LPP: variants seen among roughly 807,000 people sequenced by gnomAD.
LPP encodes the protein LIM domain containing preferred translocation partner in lipoma, also known as lipoma-preferred partner.
A neutral mutation model predicts 60.4 loss-of-function variants in LPP; 38 were observed. The observed-to-expected ratio is 0.63, with a 90% CI of 0.49 to 0.83. LPP has a LOEUF of 0.83. Among genes scored for constraint, LPP ranks in the 40% least tolerant of loss-of-function variants. The pLI is 0.00. For synonymous variants in LPP, 328 were observed against 290.8 expected (o/e 1.13, Z -1.30); for missense variants, 902 against 783.6 (o/e 1.15, Z -1.80).
intron 2 of LPP, among the ~76,000 whole-genome samples, chr3:188,307,550 C>T (rs549605463): frequency 2.6e-5 from 4 of 152,150 alleles, no homozygotes; most frequent in African/African-American, 9.6e-5. Context: ...GCATCTTTAC[C>T]TGTTTATGAA....
intron 3 of LPP, among the ~76,000 whole-genome samples, chr3:188,363,286 G>A (rs569458617): frequency 2.9e-4 from 44 of 152,220 alleles, no homozygotes; most frequent in African/African-American, 9.6e-4. Flanking sequence ...GATTTATCAC[G>A]AAGGTACCAT....
chr3:188,831,433 C>G (rs1466224074), intron 9 of LPP, among the ~76,000 whole-genome samples: 2 of 152,138 alleles, frequency 1.3e-5, no homozygotes, highest in African/African-American at 2.4e-5. Context: ...TTGGTCTGAG[C>G]CAACCAGGTC....
At chr3:188,793,767 CAGTATTGTAGG>C (rs1744536716) in intron 9 of LPP, among the ~76,000 whole-genome samples, 1 of 151,880 alleles carries the variant, frequency 6.6e-6, no homozygotes, top group Non-Finnish European at 1.5e-5. Context: ...GTGCTAGGGC[CAGTATTGTAGG>C]TGGCAACCAG....
intron 4 of LPP, among the ~76,000 whole-genome samples, chr3:188,455,749 G>C (rs1392520287): frequency 6.6e-6 from 1 of 151,950 alleles, no homozygotes; most frequent in Non-Finnish European, 1.5e-5. Context: ...ACCCTATAAA[G>C]AGAATATTGG....
At position 188,620,238 on chromosome 3, in the gene LPP, A is replaced by T. The variant is rs187280460; in HGVS notation, c.1113+10394A>T. Among the ~76,000 whole-genome samples, 1,118 of 152,254 alleles carry T rather than the reference A, an allele frequency of 7.3e-3. 12 individuals are homozygous for T. Among genetic ancestry groups the T allele is most frequent in the African/African-American group, 0.025 (1,047 of 41,544 alleles). On this transcript the variant is annotated intron_variant, in intron 7 of 11. Coordinates refer to ENST00000617246, the MANE Select transcript of LPP (RefSeq NM_001375462.1). ...GTATATTCACAGTATATTTTACTGT[A>T]TTCTTAAATATAGTATATGTGCAAT... is the stretch of plus-strand genomic sequence containing the variant.
At chr3:188,671,304 A>G (rs1416291925) in intron 7 of LPP, among the ~76,000 whole-genome samples, 1 of 152,184 alleles carries the variant, frequency 6.6e-6, no homozygotes, top group African/African-American at 2.4e-5. Context: ...ATTTTGGCAT[A>G]TTATCCCTTG....
At position 188,377,065 on chromosome 3, in the gene LPP, C is replaced by T. The variant is rs182043567; in HGVS notation, c.-9-29047C>T. 7.1e-3 allele frequency among the ~76,000 whole-genome samples: 1,087 copies of T among 152,262 alleles called. 13 individuals carry two copies. The highest frequency in any genetic ancestry group is 0.024 in the African/African-American group (982 of 41,534). On this transcript the variant is annotated intron_variant, in intron 3 of 11. Coordinates refer to ENST00000617246, the MANE Select transcript of LPP (RefSeq NM_001375462.1). ...CTCTTCTGGCTTGTAGAGTTTCTGCCGAGAGATCTGCTGTTAGTCTGATGT... is the reference window on the plus strand; with the variant it reads ...CTCTTCTGGCTTGTAGAGTTTCTGCTGAGAGATCTGCTGTTAGTCTGATGT...
At chr3:188,192,029 CAT>C (rs1458721498) in intron 1 of LPP, among the ~76,000 whole-genome samples, 1 of 152,090 alleles carries the variant, frequency 6.6e-6, no homozygotes, top group Admixed American at 6.6e-5. Flanking sequence ...AGCCTCAAAA[CAT>C]AAACTATTTG....
intron 4 of LPP, among the ~76,000 whole-genome samples, chr3:188,433,459 C>A (rs1791460691): frequency 6.6e-6 from 1 of 151,956 alleles, no homozygotes; most frequent in African/African-American, 2.4e-5. Context: ...AATAGAGTGT[C>A]TCTTAGCAAC....
intron 2 of LPP, among the ~76,000 whole-genome samples, chr3:188,330,623 C>T (rs1759755096): frequency 6.6e-6 from 1 of 152,102 alleles, no homozygotes; most frequent in Non-Finnish European, 1.5e-5. Flanking sequence ...TGCTTATAAT[C>T]CCAGCAACAT....
chr3:188,238,361 A>G (rs1423894666), intron 2 of LPP, among the ~76,000 whole-genome samples: 1 of 150,494 alleles, frequency 6.6e-6, no homozygotes. Flanking sequence ...AGCACTTTTA[A>G]TTTCCTTTAT....
intron 4 of LPP, among the ~76,000 whole-genome samples, chr3:188,408,573 G>C (rs1437204559): frequency 6.6e-6 from 1 of 152,112 alleles, no homozygotes; most frequent in Non-Finnish European, 1.5e-5. Context: ...GTGCAGCCTA[G>C]GTCAGAATTA....
intron 2 of LPP, among the ~76,000 whole-genome samples, chr3:188,300,233 A>C (rs567042412): frequency 6.6e-6 from 1 of 151,920 alleles, no homozygotes; most frequent in Non-Finnish European, 1.5e-5. Context: ...GTGTTTGTGT[A>C]TATCTATGTG....
chr3:188,842,011 CTCTT>C (rs2151746497), intron 9 of LPP, among the ~76,000 whole-genome samples: 1 of 152,312 alleles, frequency 6.6e-6, no homozygotes, highest in East Asian at 1.9e-4. Flanking sequence ...TAGACTTCCT[CTCTT>C]TCTATTTGAA....
At chr3:188,361,880 CTTAAGAA>C (rs2150957262) in intron 3 of LPP, among the ~76,000 whole-genome samples, 4 of 152,212 alleles carry the variant, frequency 2.6e-5, no homozygotes, top group African/African-American at 9.6e-5. Context: ...TCTAGGTTTT[CTTAAGAA>C]AACCTATCTA....
At chr3:188,834,282 T>G (rs1757788890) in intron 9 of LPP, among the ~76,000 whole-genome samples, 1 of 151,902 alleles carries the variant, frequency 6.6e-6, no homozygotes, top group Non-Finnish European at 1.5e-5. Context: ...TTCATCAAAC[T>G]TATTATTTAC....
chr3:188,733,121 G>A (rs1235335040), intron 8 of LPP, among the ~76,000 whole-genome samples: 1 of 151,978 alleles, frequency 6.6e-6, no homozygotes, highest in African/African-American at 2.4e-5. Context: ...TTATTATTTC[G>A]GGGGTAATTA....
At chr3:188,280,293 C>G (rs6792835) in intron 2 of LPP, among the ~76,000 whole-genome samples, 18,813 of 152,094 alleles carry the variant, frequency 0.12, 1,995 homozygotes, top group African/African-American at 0.29. Context: ...TCATCTCTAT[C>G]AAGGGGGTGG....
intron 7 of LPP, among the ~76,000 whole-genome samples, chr3:188,619,197 G>T (rs1845382730): frequency 1.3e-5 from 2 of 152,036 alleles, no homozygotes; most frequent in South Asian, 2.1e-4. Context: ...GCTAATTTTT[G>T]TATTTTTGGT....
Sources: allele counts gnomAD v4.1 joint callset (sites outside exome capture counted in the v4.1 genomes callset), GRCh38; gene constraint gnomAD v4.1.1; transcripts MANE v1.5; gene names NCBI Gene and HGNC (gene_info 2026-07-23, HGNC 2026-07-21).